Variants in HEMK2 observed in about 807,000 individuals in gnomAD.
HEMK2 encodes HemK methyltransferase 2, ETF1 glutamine and histone H4 lysine, also known as methyltransferase HEMK2.
At chr21:28,719,225 G>A in the HEMK2 span, among the ~76,000 whole-genome samples, 2 of 152,136 alleles carry the variant, frequency 1.3e-5, no homozygotes, top group Non-Finnish European at 2.9e-5. Flanking sequence ...TAGGGGCATT[G>A]CTCATTTTCT....
the HEMK2 span, among the ~76,000 whole-genome samples, chr21:28,858,886 C>T: frequency 1.3e-5 from 2 of 152,170 alleles, no homozygotes; most frequent in African/African-American, 2.4e-5. Flanking sequence ...AAAAGGGGTA[C>T]ATGGCTGATA....
the HEMK2 span, among the ~76,000 whole-genome samples, chr21:28,724,975 A>G: frequency 0.55 from 83,035 of 151,866 alleles, 25,056 homozygotes; most frequent in East Asian, 0.84. Context: ...GTAGAGGCGG[A>G]GTTTTGTCAT....
At chr21:28,831,095 T>C in the HEMK2 span, among the ~76,000 whole-genome samples, 2 of 152,080 alleles carry the variant, frequency 1.3e-5, no homozygotes, top group Non-Finnish European at 2.9e-5. Flanking sequence ...GCAGGAGGGA[T>C]GCCATGTGTC....
chr21:28,853,361 C>G, the HEMK2 span, among the ~76,000 whole-genome samples: 3 of 152,130 alleles, frequency 2.0e-5, no homozygotes, highest in Non-Finnish European at 4.4e-5. Flanking sequence ...ATGCAGAGTC[C>G]CTGTTTAGTG....
At chr21:28,842,033 AAACTGT>A in the HEMK2 span, among the ~76,000 whole-genome samples, 2 of 152,250 alleles carry the variant, frequency 1.3e-5, no homozygotes, top group East Asian at 3.9e-4. Context: ...TCACTACGAT[AAACTGT>A]AACTGTAACT....
chr21:28,800,776 T>C, the HEMK2 span, among the ~76,000 whole-genome samples: 1 of 152,188 alleles, frequency 6.6e-6, no homozygotes, highest in Admixed American at 6.5e-5. Flanking sequence ...TTAATACTCT[T>C]TTAGAAAAGG....
the HEMK2 span, among the ~76,000 whole-genome samples, chr21:28,832,367 G>C: frequency 2.6e-5 from 4 of 152,158 alleles, no homozygotes; most frequent in East Asian, 7.7e-4. Context: ...CTGTTACCTG[G>C]AGTCTTCTTG....
At chr21:28,690,774 T>C in the HEMK2 span, among the ~76,000 whole-genome samples, 1 of 152,218 alleles carries the variant, frequency 6.6e-6, no homozygotes, top group Admixed American at 6.5e-5. Context: ...ATGTATAATT[T>C]ACCTCAATTT....
chr21:28,597,558 G>A, the HEMK2 span, among the ~76,000 whole-genome samples: 1 of 152,214 alleles, frequency 6.6e-6, no homozygotes, highest in African/African-American at 2.4e-5. Context: ...TTTCTGTCAT[G>A]ATGCTATATG....
At chr21:28,760,671 T>C in the HEMK2 span, among the ~76,000 whole-genome samples, 1 of 152,192 alleles carries the variant, frequency 6.6e-6, no homozygotes, top group Non-Finnish European at 1.5e-5. Flanking sequence ...TTTATGACAT[T>C]GATATTTTTA....
At chr21:28,830,577 T>A in the HEMK2 span, among the ~76,000 whole-genome samples, 2 of 152,138 alleles carry the variant, frequency 1.3e-5, no homozygotes, top group Non-Finnish European at 2.9e-5. Flanking sequence ...GTTTATTTTT[T>A]AAAAAAATGT....
chr21:28,613,966 C>A, the HEMK2 span, among the ~76,000 whole-genome samples: 5 of 152,004 alleles, frequency 3.3e-5, no homozygotes, highest in African/African-American at 1.2e-4. Flanking sequence ...AAGTGCAGTG[C>A]TATGTTTTCT....
chr21:28,848,990 C>T, the HEMK2 span, among the ~76,000 whole-genome samples: 2 of 152,208 alleles, frequency 1.3e-5, no homozygotes, highest in Non-Finnish European at 2.9e-5. Context: ...CCCACCCCAG[C>T]TGACACGCAT....
the HEMK2 span, among the ~76,000 whole-genome samples, chr21:28,786,702 A>G: frequency 6.6e-6 from 1 of 152,136 alleles, no homozygotes; most frequent in Admixed American, 6.5e-5. Flanking sequence ...AATTCTCTAG[A>G]AACAGAGATG....
the HEMK2 span, among the ~76,000 whole-genome samples, chr21:28,581,769 T>C: frequency 6.6e-6 from 1 of 152,154 alleles, no homozygotes; most frequent in Non-Finnish European, 1.5e-5. Context: ...CTAGGTTGGT[T>C]TAAAGCCACC....
chr21:28,859,004 C>T, the HEMK2 span, among the ~76,000 whole-genome samples: 1 of 152,202 alleles, frequency 6.6e-6, no homozygotes, highest in Non-Finnish European at 1.5e-5. Context: ...TGCTATTTCA[C>T]TATCAGCCAG....
the HEMK2 span, among the ~76,000 whole-genome samples, chr21:28,743,695 T>C: frequency 1.3e-5 from 2 of 152,208 alleles, no homozygotes; most frequent in Non-Finnish European, 2.9e-5. Context: ...TCATCCCATC[T>C]CTGCCTATTA....
the HEMK2 span, among the ~76,000 whole-genome samples, chr21:28,796,654 T>C: frequency 6.6e-6 from 1 of 152,154 alleles, no homozygotes; most frequent in East Asian, 1.9e-4. Context: ...AGCATCTACC[T>C]CTTGGGCTCA....
the HEMK2 span, among the ~76,000 whole-genome samples, chr21:28,868,033 C>G: frequency 6.6e-6 from 1 of 152,108 alleles, no homozygotes; most frequent in Admixed American, 6.5e-5. Flanking sequence ...CAGTACTATT[C>G]CATTTGTTCT....
Sources: gnomAD v4.1 joint callset for allele counts (sites outside exome capture counted in the v4.1 genomes callset) on GRCh38, gnomAD v4.1.1 for gene constraint, MANE v1.5 for transcripts, NCBI Gene and HGNC (gene_info 2026-07-23, HGNC 2026-07-21) for gene names.